Variants in HDGFL3 observed in about 807,000 individuals in gnomAD.
The protein encoded by HDGFL3 is HDGF like 3, also known as hepatoma-derived growth factor-related protein 3.
A neutral mutation model predicts 27.6 loss-of-function variants in HDGFL3; 6 were observed. The ratio of observed to expected loss-of-function variants is 0.22; its 90% CI spans 0.12 to 0.43. The LOEUF is 0.43. Ranked by LOEUF, HDGFL3 falls within the 20% of genes least tolerant of loss-of-function variation. The probability of loss-of-function intolerance (pLI) is 1.00; values close to 1 mark genes in which losing one functional copy is unlikely to be tolerated. For missense variants in HDGFL3, 207 were observed against 250.1 expected, an observed-to-expected ratio of 0.83 and a Z score of 1.16; for synonymous variants, 88 against 88.9, an observed-to-expected ratio of 0.99 and a Z score of 0.05.
intron 3 of HDGFL3, chr15:83,121,912 T>C (rs750181938): frequency 3.8e-6 from 6 of 1,592,416 alleles, no homozygotes; most frequent in South Asian, 3.5e-5. Context: ...TTTGTTGTTG[T>C]TGTTACAGGG....
intron 1 of HDGFL3, among the ~76,000 whole-genome samples, chr15:83,166,446 A>G (rs1205961236): frequency 1.3e-5 from 2 of 152,364 alleles, no homozygotes; most frequent in Non-Finnish European, 1.5e-5. Flanking sequence ...CAGCCTTAGA[A>G]GAGATCCTTA....
Position 83,136,755 on chromosome 15 carries a change from C to G in HDGFL3, c.*2515G>C. On this transcript the variant is annotated 3_prime_UTR_variant, in exon 6 of 6. Transcript: ENST00000299633. The stretch of plus-strand genomic sequence containing the variant: ...ATATTTTGTCCCATTTCACTCTCTT[C>G]TCATACGTGAGTACTTAAGAATATG... 8.7e-7 allele frequency: 1 copy of G among 1,149,830 alleles called. No individual in the cohort carries two copies. The highest frequency in any genetic ancestry group is 1.2e-6 in the Non-Finnish European group (1 of 803,644). The allele number at this position is 1,149,830 out of a possible 1,614,324, so 71.2% of individuals were successfully genotyped here.
At chr15:83,205,832 T>TTACAGCATAA (rs758819576) in intron 1 of HDGFL3, among the ~76,000 whole-genome samples, 3 of 152,220 alleles carry the variant, frequency 2.0e-5, no homozygotes, top group Admixed American at 6.5e-5. Context: ...CAATACTGTA[T>TTACAGCATAA]TACAGCATAA....
chr15:83,163,145 A>G (rs2037121349), intron 2 of HDGFL3, among the ~76,000 whole-genome samples: 1 of 152,190 alleles, frequency 6.6e-6, no homozygotes, highest in Admixed American at 6.5e-5. Context: ...AGGTTTTTGG[A>G]AACTGTGACA....
intron 3 of HDGFL3, among the ~76,000 whole-genome samples, chr15:83,120,559 A>G (rs558990290): frequency 5.4e-4 from 80 of 148,874 alleles, no homozygotes; most frequent in Middle Eastern, 7.3e-3. Context: ...CACTCCCAAC[A>G]TGCACTCAAG....
At chr15:83,180,166 C>T (rs557205687) in intron 1 of HDGFL3, among the ~76,000 whole-genome samples, 95 of 151,670 alleles carry the variant, frequency 6.3e-4, no homozygotes, top group Non-Finnish European at 1.1e-3. Flanking sequence ...CCGGATCTGA[C>T]GATGCCCACA....
At chr15:83,122,693 C>G in intron 3 of HDGFL3, 1 of 1,576,764 alleles carries the variant, frequency 6.3e-7, no homozygotes, top group Admixed American at 1.8e-5. Flanking sequence ...GGGGAGGTAT[C>G]CTAAATATTA....
intron 1 of HDGFL3, among the ~76,000 whole-genome samples, chr15:83,167,055 C>G (rs568308222): frequency 1.3e-5 from 2 of 152,268 alleles, no homozygotes; most frequent in African/African-American, 4.8e-5. Context: ...GTCTAAATGA[C>G]CCACTTAAAA....
At chr15:83,149,728 T>C (rs890025449) in intron 5 of HDGFL3, among the ~76,000 whole-genome samples, 1 of 152,066 alleles carries the variant, frequency 6.6e-6, no homozygotes, top group Admixed American at 6.5e-5. Context: ...GGAGAAAAGA[T>C]CATTCTTTTT....
At chr15:83,123,554 G>C (rs1200076478), downstream of HDGFL3, among the ~76,000 whole-genome samples, 2 of 152,174 alleles carry the variant, frequency 1.3e-5, no homozygotes, top group African/African-American at 2.4e-5. Flanking sequence ...GAGATAATCA[G>C]AATACGACTA....
intron 1 of HDGFL3, among the ~76,000 whole-genome samples, chr15:83,203,514 C>G (rs1009880623): frequency 6.6e-6 from 1 of 151,980 alleles, no homozygotes; most frequent in Non-Finnish European, 1.5e-5. Flanking sequence ...AAGAAAGATT[C>G]CTACACAAAA....
In HDGFL3 at chr15:83,147,231, T is replaced by C. The variant is rs571268856; in HGVS notation, c.606+3984A>G. On this transcript the variant is annotated intron_variant, in intron 5 of 5. Coordinates refer to ENST00000299633, the MANE Select transcript of HDGFL3 (RefSeq NM_016073.4). ...GCACGCACCACAACACTCAGCCAAT[T>C]TTTGTATTTTTAGTATGGTGTATTT... 3.3e-5 allele frequency among the ~76,000 whole-genome samples: 5 copies of C among 152,044 alleles called. No homozygotes were observed. The South Asian group carries it at 6.2e-4, about 19-fold the overall frequency.
At chr15:83,114,922 C>T (rs2151341688) in exon 4 of HDGFL3, 1 of 152,282 alleles carries the variant, frequency 6.6e-6, no homozygotes, top group South Asian at 2.1e-4. Context: ...GTATAGCTTT[C>T]CTTCTGTCAT....
At chr15:83,204,133 G>A (rs1354520908) in intron 1 of HDGFL3, among the ~76,000 whole-genome samples, 2 of 150,996 alleles carry the variant, frequency 1.3e-5, no homozygotes, top group Non-Finnish European at 1.5e-5. Flanking sequence ...GAGTACTTTC[G>A]TAGGCACTGT....
intron 5 of HDGFL3, among the ~76,000 whole-genome samples, chr15:83,143,890 G>C (rs1218492797): frequency 6.6e-6 from 1 of 152,100 alleles, no homozygotes; most frequent in Non-Finnish European, 1.5e-5. Flanking sequence ...TTGTGTGGTA[G>C]CCTTGTGTTT....
Position 83,129,611 on chromosome 15 carries a change from C to G in HDGFL3, c.*9659G>C, listed in dbSNP as rs2036064536. On this transcript the variant is annotated 3_prime_UTR_variant, in exon 6 of 6. Coordinates refer to ENST00000299633, the MANE Select transcript of HDGFL3 (RefSeq NM_016073.4). ...TGAAATCCTGTCTGACTCCAAAGCT[C>G]ATATTCTTCTCCATTGTGTTATCTC... 1 of 152,216 alleles carries G rather than the reference C, an allele frequency of 6.6e-6. No homozygotes were observed. Among genetic ancestry groups the G allele is most frequent in the South Asian group, 2.1e-4 (1 of 4,832 alleles). 9.4% of individuals were successfully genotyped at this position (152,216 alleles called of 1,614,324 possible).
chr15:83,175,838 C>T (rs1253160739), intron 1 of HDGFL3, among the ~76,000 whole-genome samples: 6 of 152,068 alleles, frequency 3.9e-5, no homozygotes, highest in African/African-American at 1.4e-4. Flanking sequence ...CCAGTCTGGG[C>T]GACAGAGCGA....
Position 83,157,420 on chromosome 15 carries a change from A to G in HDGFL3, c.454T>C (p.Ser152Pro). 3.1e-6 allele frequency: 5 copies of G among 1,612,352 alleles called. No homozygotes were observed. Among genetic ancestry groups the G allele is most frequent in the Non-Finnish European group, 4.2e-6 (5 of 1,178,720 alleles). The change falls in exon 4 of 6, where the codon TCA becomes CCA. Residue 152 changes from serine to proline, a missense_variant. Transcript: ENST00000299633. ...AGSKRKKSYTSKKSSKQSRKS... is the reference protein window; with the variant it reads ...AGSKRKKSYTPKKSSKQSRKS... ...ATGAGAAGTTTCTTAGTAACCTTTG[A>G]AGTATATGACTTTTTCCGTTTTGAG... is the stretch of plus-strand genomic sequence containing the variant.
chr15:83,193,640 C>G (rs533698498), intron 1 of HDGFL3, among the ~76,000 whole-genome samples: 14 of 152,184 alleles, frequency 9.2e-5, no homozygotes, highest in Non-Finnish European at 1.6e-4. Flanking sequence ...CTCCGTAGGA[C>G]ACACCTACCA....
Sources: allele counts gnomAD v4.1 joint callset (sites outside exome capture counted in the v4.1 genomes callset), GRCh38; gene constraint gnomAD v4.1.1; transcripts MANE v1.5; gene names NCBI Gene and HGNC (gene_info 2026-07-23, HGNC 2026-07-21).